The following NMNAT2 variants were observed in gnomAD, a reference collection of about 807,000 sequenced individuals.
NMNAT2 encodes the protein nicotinamide nucleotide adenylyltransferase 2.
In NMNAT2, 11 loss-of-function variants were observed where a neutral mutation model predicts 41.6. The observed-to-expected ratio is 0.26, with a 90% CI of 0.17 to 0.44. The LOEUF is 0.44. Ranked by LOEUF, NMNAT2 falls within the 20% of genes least tolerant of loss-of-function variation. The pLI is 1.00. For synonymous variants in NMNAT2, 148 were observed against 151.2 expected (o/e 0.98, Z 0.16); for missense variants, 288 against 407.7 (o/e 0.71, Z 2.53).
At chr1:183,269,051 TAG>T (rs1660913468) in intron 8 of NMNAT2, among the ~76,000 whole-genome samples, 1 of 152,160 alleles carries the variant, frequency 6.6e-6, no homozygotes, top group South Asian at 2.1e-4. Context: ...GCCTGGGTGA[TAG>T]AGTGTGACCC....
intron 1 of NMNAT2, among the ~76,000 whole-genome samples, chr1:183,323,596 A>C (rs377372502): frequency 6.6e-6 from 1 of 152,338 alleles, no homozygotes; most frequent in East Asian, 1.9e-4. Context: ...GAGAATGCAA[A>C]GAAGTGGGCC....
At chr1:183,298,765 A>G (rs1661770463) in intron 1 of NMNAT2, among the ~76,000 whole-genome samples, 1 of 152,192 alleles carries the variant, frequency 6.6e-6, no homozygotes. Flanking sequence ...TCTAGTGGTT[A>G]GGAACAACAA....
chr1:183,298,448 C>T (rs928895991), intron 1 of NMNAT2, among the ~76,000 whole-genome samples: 4 of 152,076 alleles, frequency 2.6e-5, no homozygotes, highest in Admixed American at 1.3e-4. Flanking sequence ...TTAATCAATT[C>T]AATGAAATAC....
intron 8 of NMNAT2, chr1:183,266,773 G>T: frequency 4.7e-6 from 1 of 213,700 alleles, no homozygotes; most frequent in South Asian, 5.9e-5. Flanking sequence ...AAGATCTCCA[G>T]GGCAAAAACT....
At chr1:183,334,163 C>A (rs1307082604) in intron 1 of NMNAT2, among the ~76,000 whole-genome samples, 1 of 152,138 alleles carries the variant, frequency 6.6e-6, no homozygotes, top group Admixed American at 6.5e-5. Flanking sequence ...CTCTTTCGGG[C>A]TCAAGCAATT....
chr1:183,319,602 G>C (rs758106920), intron 1 of NMNAT2, among the ~76,000 whole-genome samples: 2 of 152,070 alleles, frequency 1.3e-5, no homozygotes, highest in Non-Finnish European at 2.9e-5. Context: ...TGCCATCCTT[G>C]GTTTCTTCCC....
At chr1:183,291,371 T>TC (rs1050449167) in intron 3 of NMNAT2, among the ~76,000 whole-genome samples, 1 of 151,896 alleles carries the variant, frequency 6.6e-6, no homozygotes, top group African/African-American at 2.4e-5. Context: ...GGACCCTGGC[T>TC]CCCCCTAGAT....
At chr1:183,304,282 T>C (rs1387299467) in intron 1 of NMNAT2, among the ~76,000 whole-genome samples, 1 of 152,130 alleles carries the variant, frequency 6.6e-6, no homozygotes, top group Non-Finnish European at 1.5e-5. Context: ...AAGAGCAATA[T>C]GCCAGAAAGA....
chr1:183,365,303 G>A (rs539232920), intron 1 of NMNAT2, among the ~76,000 whole-genome samples: 1 of 152,052 alleles, frequency 6.6e-6, no homozygotes, highest in South Asian at 2.1e-4. Context: ...GAGCCCTATG[G>A]CAACAGAGCG....
rs762500856 is a variant in NMNAT2 at position 183,250,063 on chromosome 1, C to T, written c.*2578G>A. The T allele has an allele frequency of 6.6e-6, 1 of 152,194 alleles. No individual in the cohort carries two copies. The highest frequency in any genetic ancestry group is 1.5e-5 in the Non-Finnish European group (1 of 68,092). The allele number at this position is 152,194 out of a possible 1,614,324, so 9.4% of individuals were successfully genotyped here. A position where few individuals can be genotyped will look rare whatever the true frequency, so the allele number is the denominator to read the frequency against. ...GACCAAGAAACAAAAGAAATCGAGCCTTCCTCAGGTCTGCTCACGTGGGTC... is the reference window on the plus strand; with the variant it reads ...GACCAAGAAACAAAAGAAATCGAGCTTTCCTCAGGTCTGCTCACGTGGGTC... On this transcript the variant is annotated 3_prime_UTR_variant, in exon 11 of 11. Coordinates refer to ENST00000287713, the MANE Select transcript of NMNAT2 (RefSeq NM_015039.4).
chr1:183,329,084 G>C (rs10911310), intron 1 of NMNAT2, among the ~76,000 whole-genome samples: 68,135 of 151,906 alleles, frequency 0.45, 16,284 homozygotes, highest in East Asian at 0.78. Context: ...ATACTGCAAG[G>C]GTTCCCTACA....
At chr1:183,324,359 T>A (rs1380608697) in intron 1 of NMNAT2, among the ~76,000 whole-genome samples, 6 of 152,230 alleles carry the variant, frequency 3.9e-5, no homozygotes, top group Non-Finnish European at 8.8e-5. Flanking sequence ...TGAGCTAAGC[T>A]GAATTTCATC....
chr1:183,390,839 C>T (rs980962578), intron 1 of NMNAT2, among the ~76,000 whole-genome samples: 1 of 152,120 alleles, frequency 6.6e-6, no homozygotes, highest in Non-Finnish European at 1.5e-5. Flanking sequence ...CAGAGCAAAA[C>T]CTATTATTTT....
intron 1 of NMNAT2, among the ~76,000 whole-genome samples, chr1:183,370,977 G>A (rs1030382432): frequency 6.6e-5 from 10 of 152,170 alleles, no homozygotes; most frequent in African/African-American, 2.4e-4. Context: ...TAAATGCATG[G>A]TGCCTGACCA....
At chr1:183,294,856 A>G (rs1401300850) in intron 1 of NMNAT2, among the ~76,000 whole-genome samples, 1 of 152,232 alleles carries the variant, frequency 6.6e-6, no homozygotes, top group Non-Finnish European at 1.5e-5. Context: ...GGAAAAATCT[A>G]GCATGGAGTT....
chr1:183,297,853 T>C (rs1487226365), intron 1 of NMNAT2, among the ~76,000 whole-genome samples: 2 of 152,234 alleles, frequency 1.3e-5, no homozygotes, highest in East Asian at 3.8e-4. Context: ...GAAAGAATTA[T>C]ACACTGTGAC....
At chr1:183,407,274 C>T (rs181349059) in intron 1 of NMNAT2, among the ~76,000 whole-genome samples, 1 of 152,324 alleles carries the variant, frequency 6.6e-6, no homozygotes, top group East Asian at 1.9e-4. Context: ...TGCAGGTTCC[C>T]ACTGTGGATA....
chr1:183,413,908 A>T (rs748329386), intron 1 of NMNAT2, among the ~76,000 whole-genome samples: 1 of 152,126 alleles, frequency 6.6e-6, no homozygotes, highest in Non-Finnish European at 1.5e-5. Context: ...CGCCCGGCCT[A>T]GAAATATTAA....
At chr1:183,273,887 C>G (rs1250223522) in intron 8 of NMNAT2, among the ~76,000 whole-genome samples, 1 of 115,830 alleles carries the variant, frequency 8.6e-6, no homozygotes, top group Non-Finnish European at 1.7e-5. Flanking sequence ...TCCTTCCTTC[C>G]TTCCTTCCTT....
Sources: gnomAD v4.1 joint callset for allele counts (sites outside exome capture counted in the v4.1 genomes callset) on GRCh38, gnomAD v4.1.1 for gene constraint, MANE v1.5 for transcripts, NCBI Gene and HGNC (gene_info 2026-07-23, HGNC 2026-07-21) for gene names.